Variants in SCAI observed in about 807,000 individuals in gnomAD.
SCAI encodes suppressor of cancer cell invasion.
SCAI carries 24 observed loss-of-function variants against 92.2 expected under a neutral mutation model. The ratio of observed to expected loss-of-function variants is 0.26; its 90% CI spans 0.19 to 0.37. The LOEUF is 0.37. Ranked by LOEUF, SCAI falls within the 10% of genes least tolerant of loss-of-function variation. SCAI has a pLI of 1.00. For missense variants in SCAI, 450 were observed against 736.2 expected, an observed-to-expected ratio of 0.61 and a Z score of 4.50; for synonymous variants, 261 against 258.6, an observed-to-expected ratio of 1.01 and a Z score of -0.09.
At chr9:125,031,850 A>G (rs115958705) in intron 3 of SCAI, among the ~76,000 whole-genome samples, 2,814 of 152,210 alleles carry the variant, frequency 0.018, 84 homozygotes, top group African/African-American at 0.064. Context: ...ACACAAAAGT[A>G]GAGAGAACAG....
At chr9:125,082,031 T>A (rs374326266) in intron 2 of SCAI, among the ~76,000 whole-genome samples, 1 of 152,126 alleles carries the variant, frequency 6.6e-6, no homozygotes, top group Non-Finnish European at 1.5e-5. Flanking sequence ...CCCAAGACTA[T>A]GGAAAAAATG....
chr9:124,974,259 C>T, intron 15 of SCAI: 1 of 447,898 alleles, frequency 2.2e-6, no homozygotes, highest in Non-Finnish European at 4.4e-6. Context: ...GCCTAGGCAA[C>T]ATGGTGAGAC....
intron 9 of SCAI, among the ~76,000 whole-genome samples, chr9:125,016,487 T>C (rs976064553): frequency 1.3e-5 from 2 of 151,704 alleles, no homozygotes; most frequent in Non-Finnish European, 2.9e-5. Flanking sequence ...TCAGAATCAA[T>C]GTAAGAGAAA....
chr9:125,030,316 TATC>T (rs1199555028), intron 3 of SCAI, among the ~76,000 whole-genome samples: 1 of 152,250 alleles, frequency 6.6e-6, no homozygotes, highest in Non-Finnish European at 1.5e-5. Flanking sequence ...AAGTTATTTA[TATC>T]ATATCTTAGG....
intron 3 of SCAI, among the ~76,000 whole-genome samples, chr9:125,040,162 C>G (rs991063685): frequency 3.9e-5 from 6 of 152,132 alleles, no homozygotes; most frequent in African/African-American, 1.4e-4. Flanking sequence ...CGAGACCAAC[C>G]TGGGCAACAT....
rs1457212730 is a variant in SCAI at position 124,945,260 on chromosome 9, AAG to A, written c.*7545_*7546del. 6.6e-6 allele frequency: 1 copy of A among 152,232 alleles called. No individual in the cohort carries two copies. The highest frequency in any genetic ancestry group is 2.4e-5 in the African/African-American group (1 of 41,448). The allele number at this position is 152,232 out of a possible 1,614,324, so 9.4% of individuals were successfully genotyped here. On this transcript the variant is annotated 3_prime_UTR_variant, in exon 18 of 18. Coordinates refer to ENST00000336505, the MANE Select transcript of SCAI (RefSeq NM_001144877.3). ...TTAAAGTAGTCTGATAACTATTAAAAAGAATTTTTTTTAGGCCGGCCACAGTG... is the reference window on the plus strand; with the variant it reads ...TTAAAGTAGTCTGATAACTATTAAAAAATTTTTTTTAGGCCGGCCACAGTG...
At chr9:124,994,056 C>T (rs1442536938) in intron 14 of SCAI, among the ~76,000 whole-genome samples, 1 of 135,674 alleles carries the variant, frequency 7.4e-6, no homozygotes, top group African/African-American at 2.8e-5. Context: ...TTTTTTGAGA[C>T]GGAGTTTTGC....
chr9:124,977,004 G>T (rs773206386), intron 14 of SCAI, among the ~76,000 whole-genome samples: 4 of 151,800 alleles, frequency 2.6e-5, no homozygotes, highest in Non-Finnish European at 4.4e-5. Flanking sequence ...CAGTAGCTAG[G>T]ACTACAGGTG....
At chr9:125,075,251 T>C (rs1834065503) in intron 2 of SCAI, among the ~76,000 whole-genome samples, 1 of 152,108 alleles carries the variant, frequency 6.6e-6, no homozygotes. Context: ...AAATACAATG[T>C]ACTTTCATTT....
chr9:124,993,774 T>C (rs1435087963), intron 14 of SCAI, among the ~76,000 whole-genome samples: 6 of 152,144 alleles, frequency 3.9e-5, no homozygotes, highest in African/African-American at 1.4e-4. Context: ...GGGTCAGCTC[T>C]CTTGGCTACC....
At chr9:125,037,739 A>T (rs1833228909) in intron 3 of SCAI, among the ~76,000 whole-genome samples, 1 of 151,490 alleles carries the variant, frequency 6.6e-6, no homozygotes, top group African/African-American at 2.4e-5. Context: ...ACATGGTGAA[A>T]ACCCGTCTCT....
chr9:125,107,423 GAAAAA>G (rs1834824336), intron 2 of SCAI, among the ~76,000 whole-genome samples: 2 of 146,576 alleles, frequency 1.4e-5, no homozygotes, highest in Non-Finnish European at 1.5e-5. Context: ...AAAAAAAAAA[GAAAAA>G]GAAAAGAAAA....
intron 6 of SCAI, among the ~76,000 whole-genome samples, chr9:125,024,842 T>C (rs1354673707): frequency 6.6e-6 from 1 of 152,132 alleles, no homozygotes; most frequent in Non-Finnish European, 1.5e-5. Context: ...GTATGTAATA[T>C]CTCCTCTCCT....
At chr9:125,032,043 A>T (rs1044398208) in intron 3 of SCAI, among the ~76,000 whole-genome samples, 10 of 151,676 alleles carry the variant, frequency 6.6e-5, no homozygotes. Flanking sequence ...TACCCCTATG[A>T]CCACCATTAG....
intron 2 of SCAI, among the ~76,000 whole-genome samples, chr9:125,141,608 G>A (rs1023798254): frequency 9.9e-5 from 15 of 152,116 alleles, no homozygotes; most frequent in Non-Finnish European, 1.6e-4. Flanking sequence ...TCAACCATTC[G>A]AGTTAACTAC....
chr9:125,050,426 C>T (rs930793692), intron 3 of SCAI, among the ~76,000 whole-genome samples: 12 of 152,214 alleles, frequency 7.9e-5, no homozygotes, highest in Non-Finnish European at 1.3e-4. Flanking sequence ...ATCTTCTTTA[C>T]GCAGGAAACA....
chr9:125,036,386 G>C (rs976611185), intron 3 of SCAI, among the ~76,000 whole-genome samples: 1 of 152,088 alleles, frequency 6.6e-6, no homozygotes, highest in African/African-American at 2.4e-5. Flanking sequence ...ATTGTGGCAG[G>C]ATATCAAAGG....
intron 3 of SCAI, among the ~76,000 whole-genome samples, chr9:125,048,160 T>C (rs1833484389): frequency 6.6e-6 from 1 of 152,254 alleles, no homozygotes; most frequent in South Asian, 2.1e-4. Context: ...GTATTTTTAG[T>C]AGAGATGGGG....
intron 17 of SCAI, among the ~76,000 whole-genome samples, chr9:124,957,929 C>T (rs984839825): frequency 2.0e-5 from 3 of 152,096 alleles, no homozygotes; most frequent in Non-Finnish European, 4.4e-5. Context: ...GTGACCTGCC[C>T]ACCTTGGCCT....
Sources: gnomAD v4.1 joint callset for allele counts (sites outside exome capture counted in the v4.1 genomes callset) on GRCh38, gnomAD v4.1.1 for gene constraint, MANE v1.5 for transcripts, NCBI Gene and HGNC (gene_info 2026-07-23, HGNC 2026-07-21) for gene names.